The following RSPO2 variants were observed in gnomAD, a reference collection of about 807,000 sequenced individuals.
RSPO2 encodes R-spondin-2.
Under a neutral mutation model 30.9 loss-of-function variants are expected in RSPO2, and 14 were observed. The ratio of observed to expected loss-of-function variants is 0.45; its 90% CI spans 0.30 to 0.71. The LOEUF is 0.71. Ranked by LOEUF, RSPO2 falls within the 30% of genes least tolerant of loss-of-function variation. The pLI, the probability that RSPO2 is intolerant of heterozygous loss-of-function variation, is 0.08. For missense variants in RSPO2, 264 were observed against 301.9 expected (o/e 0.87, Z 0.93); for synonymous variants, 107 against 96.4 (o/e 1.11, Z -0.64).
chr8:107,982,418 T>G (rs1479135728), intron 3 of RSPO2, among the ~76,000 whole-genome samples: 1 of 152,160 alleles, frequency 6.6e-6, no homozygotes, highest in Non-Finnish European at 1.5e-5. Context: ...CAAGGCTAAT[T>G]TTCCCACCTA....
chr8:108,045,136 A>G (rs191565033), intron 2 of RSPO2, among the ~76,000 whole-genome samples: 57 of 152,314 alleles, frequency 3.7e-4, no homozygotes, highest in Non-Finnish European at 6.0e-4. Flanking sequence ...CAGAGTAAAC[A>G]CACAGCCTAC....
intron 5 of RSPO2, among the ~76,000 whole-genome samples, chr8:107,924,849 CAAA>C (rs1812305704): frequency 1.4e-5 from 2 of 138,790 alleles, no homozygotes; most frequent in Admixed American, 1.5e-4. Context: ...CACACACACA[CAAA>C]ATAAGTTCTC....
intron 3 of RSPO2, among the ~76,000 whole-genome samples, chr8:107,967,158 G>T (rs944398030): frequency 6.6e-6 from 1 of 152,136 alleles, no homozygotes; most frequent in Non-Finnish European, 1.5e-5. Context: ...TGCCCACTGC[G>T]TGCTAAAATA....
chr8:108,066,282 G>A (rs1177623504), intron 2 of RSPO2, among the ~76,000 whole-genome samples: 1 of 152,064 alleles, frequency 6.6e-6, no homozygotes, highest in African/African-American at 2.4e-5. Context: ...AGAAAGTACT[G>A]TTTTTCCATC....
chr8:108,011,234 GA>G (rs934001874), intron 2 of RSPO2, among the ~76,000 whole-genome samples: 1 of 149,866 alleles, frequency 6.7e-6, no homozygotes, highest in Non-Finnish European at 1.5e-5. Flanking sequence ...AAAGGGAAAG[GA>G]AAAGGAAAGG....
intron 5 of RSPO2, among the ~76,000 whole-genome samples, chr8:107,923,374 C>G (rs1223296054): frequency 6.6e-6 from 1 of 152,182 alleles, no homozygotes; most frequent in Admixed American, 6.6e-5. Flanking sequence ...GAGATACCAT[C>G]TCACACCAGT....
rs138082394 is a variant in RSPO2, at chr8:108,010,762, A to G, written c.95-21518T>C. On this transcript the variant is annotated intron_variant, in intron 2 of 5. Coordinates refer to ENST00000276659, the MANE Select transcript of RSPO2 (RefSeq NM_178565.5). Reference sequence around the variant, plus strand: ...GCTTTCCCTCCCCTGGCAAACCTTGATGCAAGCCTTGGTGAAAAGGCAGGG... The same window carrying G: ...GCTTTCCCTCCCCTGGCAAACCTTGGTGCAAGCCTTGGTGAAAAGGCAGGG... Among the ~76,000 whole-genome samples, 87 of 152,280 alleles carry G rather than the reference A, an allele frequency of 5.7e-4. 2 individuals are homozygous for G. In the East Asian group the frequency reaches 0.016, roughly 27 times the overall value.
At chr8:107,940,136 T>C (rs140879249) in intron 5 of RSPO2, among the ~76,000 whole-genome samples, 1,707 of 152,230 alleles carry the variant, frequency 0.011, 40 homozygotes, top group African/African-American at 0.038. Flanking sequence ...AAGGGCTTCA[T>C]CTCAAGTGGA....
chr8:107,950,002 G>A (rs1813189723), intron 5 of RSPO2, among the ~76,000 whole-genome samples: 1 of 152,160 alleles, frequency 6.6e-6, no homozygotes, highest in East Asian at 1.9e-4. Flanking sequence ...GACATGGGTG[G>A]TGTGACGACA....
At chr8:108,044,047 G>A (rs1409656278) in intron 2 of RSPO2, among the ~76,000 whole-genome samples, 1 of 151,360 alleles carries the variant, frequency 6.6e-6, no homozygotes, top group Non-Finnish European at 1.5e-5. Flanking sequence ...TAGATTTTTT[G>A]TTCTATGAAT....
intron 2 of RSPO2, among the ~76,000 whole-genome samples, chr8:108,042,300 CG>C (rs1368550145): frequency 3.3e-5 from 5 of 151,988 alleles, no homozygotes; most frequent in African/African-American, 1.2e-4. Context: ...CTGGTGATAA[CG>C]TGGGGGAAGA....
At chr8:108,083,026 C>A in intron 1 of RSPO2, 171 bp downstream of exon 1, 1 of 190,388 alleles carries the variant, frequency 5.3e-6, no homozygotes, top group Non-Finnish European at 1.1e-5. Context: ...CTCTGCCGAG[C>A]CCTAAGCTCC....
At chr8:107,937,861 G>C (rs1812770052) in intron 5 of RSPO2, among the ~76,000 whole-genome samples, 2 of 152,054 alleles carry the variant, frequency 1.3e-5, no homozygotes, top group Admixed American at 6.6e-5. Flanking sequence ...TCCATATACA[G>C]GTAGTGCTCC....
intron 5 of RSPO2, among the ~76,000 whole-genome samples, chr8:107,928,294 A>G (rs985574179): frequency 1.3e-5 from 2 of 152,154 alleles, no homozygotes; most frequent in Non-Finnish European, 2.9e-5. Flanking sequence ...TAAAAAATAC[A>G]TAGTTAACAG....
chr8:108,003,301 ATATATATATATTTTTTTTTTTT>A (rs1414096027), intron 2 of RSPO2, among the ~76,000 whole-genome samples: 102 of 24,604 alleles, frequency 4.1e-3, no homozygotes, highest in African/African-American at 0.013. Flanking sequence ...ATATATATAT[ATATATATATATTTTTTTTTTTT>A]TTTTTTTTTT....
chr8:107,973,621 C>T (rs1479352232), intron 3 of RSPO2, among the ~76,000 whole-genome samples: 1 of 152,062 alleles, frequency 6.6e-6, no homozygotes. Flanking sequence ...GCCATAATTT[C>T]ACATGCTGAC....
chr8:107,921,030 G>T (rs1812149389), intron 5 of RSPO2, among the ~76,000 whole-genome samples: 1 of 151,956 alleles, frequency 6.6e-6, no homozygotes, highest in Non-Finnish European at 1.5e-5. Flanking sequence ...AAAAATATTT[G>T]AAAGGCAGAA....
At chr8:107,989,303 T>C (rs1224047057) in intron 2 of RSPO2, 59 bp from the exon 3 acceptor site, 1 of 1,073,234 alleles carries the variant, frequency 9.3e-7, no homozygotes. Flanking sequence ...TTTTGGTAAA[T>C]ACACCTGCTG....
At chr8:108,011,480 C>T (rs1212716143) in intron 2 of RSPO2, among the ~76,000 whole-genome samples, 1 of 152,140 alleles carries the variant, frequency 6.6e-6, no homozygotes, top group Non-Finnish European at 1.5e-5. Flanking sequence ...TAATAGAGAA[C>T]AGAGTGATTT....
Sources: gnomAD v4.1 joint callset for allele counts (sites outside exome capture counted in the v4.1 genomes callset) on GRCh38, gnomAD v4.1.1 for gene constraint, MANE v1.5 for transcripts, NCBI Gene and HGNC (gene_info 2026-07-23, HGNC 2026-07-21) for gene names.